Variants in TAF4 observed in about 807,000 individuals in gnomAD.
TAF4 encodes transcription initiation factor TFIID subunit 4.
In TAF4, 9 loss-of-function variants were observed where a neutral mutation model predicts 90.3. That is an observed-to-expected ratio of 0.10 (90% confidence interval 0.06 to 0.17). The LOEUF (loss-of-function observed/expected upper bound fraction) is 0.17, where lower values mean the gene tolerates loss of function less well. Ranked by LOEUF, TAF4 falls within the 10% of genes least tolerant of loss-of-function variation. The pLI is 1.00. For missense variants in TAF4, 1,351 were observed against 1,370.7 expected (o/e 0.99, Z 0.23); for synonymous variants, 818 against 638.9 (o/e 1.28, Z -4.23).
At position 62,010,299 on chromosome 20, in the gene TAF4, G is replaced by A. The variant is rs946593871; in HGVS notation, c.1642-134C>T. On this transcript the variant is annotated intron_variant, in intron 3 of 14. Coordinates refer to ENST00000252996, the MANE Select transcript of TAF4 (RefSeq NM_003185.4). This position sits in a 1 kb window ranked among gnomAD's most constrained non-coding sequence, Gnocchi z 4.5. ...GGACGCCCAGGAAGCCAAGGACCCC[G>A]GCCACCTGCCAGCCCGCTGGACACG... 19 of 1,342,820 alleles carry A rather than the reference G, an allele frequency of 1.4e-5. No homozygotes were observed. The highest frequency in any genetic ancestry group is 4.8e-5 in the East Asian group (2 of 41,268). 83.2% of individuals were successfully genotyped at this position (1,342,820 alleles called of 1,614,324 possible).
rs372153568 is a variant in TAF4 at position 62,010,165 on chromosome 20, G to T, written c.1642C>A (p.Pro548Thr). 1.2e-6 allele frequency: 2 copies of T among 1,613,750 alleles called. No homozygotes were observed. Residue 548 changes from proline to threonine, a missense_variant and splice_region_variant, in exon 4 of 15, where the codon CCT (proline) becomes ACT (threonine). Physicochemically the swap from Pro to Thr is conservative, Grantham distance 38. This residue lies in a region of TAF4 where 143 missense variants were observed against 176.3 expected (regional missense o/e 0.81). Coordinates refer to ENST00000252996, the MANE Select transcript of TAF4 (RefSeq NM_003185.4). The surrounding 1 kb of genome is among the most constrained non-coding windows in gnomAD (Gnocchi z 4.5). ...ATLQRSPGVQPQLVLGGAAQT... is the reference protein window; with the variant it reads ...ATLQRSPGVQTQLVLGGAAQT... ...GCAGCGCCACCCAGAACGAGCTGAG[G>T]CTACAAGAATCCAAAAACACAAGGT...
Position 62,010,211 on chromosome 20 carries a change from G to C in TAF4, c.1642-46C>G. On this transcript the variant is annotated intron_variant, in intron 3 of 14. Coordinates refer to ENST00000252996, the MANE Select transcript of TAF4 (RefSeq NM_003185.4). This position sits in a 1 kb window ranked among gnomAD's most constrained non-coding sequence, Gnocchi z 4.5. ...AAGGTAAGGGCATCTCACGCCACCA[G>C]CTGACGAGGGGGAGACCAGCCTCAC... 1 of 1,612,204 alleles carries C rather than the reference G, an allele frequency of 6.2e-7. No homozygotes were observed. Among genetic ancestry groups the C allele is most frequent in the Non-Finnish European group, 8.5e-7 (1 of 1,179,674 alleles).
At chr20:62,036,121 T>G (rs542068139) in intron 1 of TAF4, among the ~76,000 whole-genome samples, 2 of 152,090 alleles carry the variant, frequency 1.3e-5, no homozygotes, top group East Asian at 3.9e-4. Context: ...GCTCACGGGT[T>G]CAAGCGATTC....
At chr20:62,036,732 C>T (rs200290311) in intron 1 of TAF4, among the ~76,000 whole-genome samples, 1 of 152,164 alleles carries the variant, frequency 6.6e-6, no homozygotes, top group African/African-American at 2.4e-5. Flanking sequence ...AGCATTTTAA[C>T]AAAAATAAAC....
intron 1 of TAF4, among the ~76,000 whole-genome samples, chr20:62,032,678 A>G (rs956704785): frequency 6.6e-6 from 1 of 152,258 alleles, no homozygotes; most frequent in Admixed American, 6.5e-5. Context: ...GGCAGATGAC[A>G]TGGACCTTAA....
At chr20:62,035,594 A>T (rs1376516333) in intron 1 of TAF4, among the ~76,000 whole-genome samples, 1 of 145,582 alleles carries the variant, frequency 6.9e-6, no homozygotes, top group Admixed American at 6.9e-5. Flanking sequence ...CAAAAGCAAA[A>T]GCTATCATTT....
intron 1 of TAF4, among the ~76,000 whole-genome samples, chr20:62,057,844 G>A (rs56370815): frequency 5.1e-5 from 1 of 19,754 alleles, no homozygotes; most frequent in Non-Finnish European, 1.5e-4. Context: ...CCTCAGGAAG[G>A]ACGGACACAG....
intron 1 of TAF4, among the ~76,000 whole-genome samples, chr20:62,036,437 T>C (rs2055933207): frequency 6.6e-6 from 1 of 152,194 alleles, no homozygotes. Context: ...GGATATAAAA[T>C]AACAGAAACT....
At chr20:62,022,794 A>G (rs1237282806) in intron 1 of TAF4, among the ~76,000 whole-genome samples, 1 of 151,984 alleles carries the variant, frequency 6.6e-6, no homozygotes, top group Non-Finnish European at 1.5e-5. Context: ...AGGCGCTACC[A>G]CCACTGTAAC....
chr20:62,006,108 C>A lies in TAF4; in HGVS notation c.2223+402G>T. 1 of 164,060 alleles carries A rather than the reference C, an allele frequency of 6.1e-6. No homozygotes were observed. The highest frequency in any genetic ancestry group is 1.3e-5 in the Non-Finnish European group (1 of 76,374). The allele number at this position is 164,060 out of a possible 1,614,324, so 10.2% of individuals were successfully genotyped here. A position where few individuals can be genotyped will look rare whatever the true frequency, so the allele number is the denominator to read the frequency against. ...TAAATCCACCCTGTGCTGTGAGCTGCTACCCTGCCTCCAGTCTCCTGCCCA... is the reference window on the plus strand; with the variant it reads ...TAAATCCACCCTGTGCTGTGAGCTGATACCCTGCCTCCAGTCTCCTGCCCA... On this transcript the variant is annotated intron_variant, in intron 7 of 14. Coordinates refer to ENST00000252996, the MANE Select transcript of TAF4 (RefSeq NM_003185.4). This position sits in a 1 kb window ranked among gnomAD's most constrained non-coding sequence, Gnocchi z 7.0.
intron 1 of TAF4, among the ~76,000 whole-genome samples, chr20:62,027,919 C>T (rs6061962): frequency 0.17 from 25,669 of 152,216 alleles, 2,545 homozygotes; most frequent in East Asian, 0.47. Flanking sequence ...GCTGGGTGGG[C>T]TGCTCTCCCC....
chr20:61,998,861 T>C (rs1263994830), intron 12 of TAF4, 122 bp downstream of exon 12: 1 of 1,323,148 alleles, frequency 7.6e-7, no homozygotes, highest in Non-Finnish European at 1.0e-6. Context: ...CCCATCACCT[T>C]TGCTTCAAGG....
At chr20:61,986,137 AAAGGAAACACCATCCCCC>A (rs2055591010) in intron 14 of TAF4, among the ~76,000 whole-genome samples, 1 of 125,100 alleles carries the variant, frequency 8.0e-6, no homozygotes, top group African/African-American at 3.1e-5. Flanking sequence ...ATCCCCAATC[AAAGGAAACACCATCCCCC>A]ATCAAAGGAA....
chr20:62,011,571 C>T (rs2055777785), intron 3 of TAF4, among the ~76,000 whole-genome samples: 1 of 152,224 alleles, frequency 6.6e-6, no homozygotes, highest in Non-Finnish European at 1.5e-5. Flanking sequence ...GCACACATCT[C>T]CCTGGTACTG....
chr20:62,001,037 C>A (rs1366730244), intron 9 of TAF4, among the ~76,000 whole-genome samples: 1 of 152,204 alleles, frequency 6.6e-6, no homozygotes, highest in African/African-American at 2.4e-5. Flanking sequence ...GGGGTCTGAT[C>A]TATGCAAAGC....
intron 14 of TAF4, among the ~76,000 whole-genome samples, chr20:61,992,698 C>T (rs866369816): frequency 7.2e-5 from 11 of 152,164 alleles, no homozygotes; most frequent in African/African-American, 1.9e-4. Flanking sequence ...GGTCTTCAAA[C>T]GCCATTTCCC....
chr20:62,001,522 C>A lies in TAF4; in HGVS notation c.2487-801G>T, dbSNP rs373531915. ...CCACATGCACGCAGCCTCCACTTGC[C>A]GCCTCCAGCAGTGGGCTTTGAACGT... is the stretch of plus-strand genomic sequence containing the variant. On this transcript the variant is annotated intron_variant, in intron 9 of 14. Coordinates refer to ENST00000252996, the MANE Select transcript of TAF4 (RefSeq NM_003185.4). 1.2e-4 allele frequency among the ~76,000 whole-genome samples: 19 copies of A among 152,318 alleles called. No individual in the cohort carries two copies. In the East Asian group the frequency reaches 3.7e-3, roughly 29 times the overall value.
chr20:62,030,538 T>C (rs571018602), intron 1 of TAF4, among the ~76,000 whole-genome samples: 146 of 152,352 alleles, frequency 9.6e-4, no homozygotes, highest in African/African-American at 2.7e-3. Context: ...CGGCCTGTCG[T>C]GCCTCGAAGC....
intron 14 of TAF4, chr20:61,979,024 TGTC>T (rs1421339746): frequency 1.3e-5 from 2 of 153,352 alleles, no homozygotes; most frequent in African/African-American, 4.8e-5. Flanking sequence ...CCAGACTCCC[TGTC>T]TTTCCCATAG....
Sources: gnomAD v4.1 joint callset for allele counts (sites outside exome capture counted in the v4.1 genomes callset) on GRCh38, gnomAD v4.1.1 for gene constraint, gnomAD v4.1.1 regional missense constraint, Gnocchi (gnomAD v3.1) non-coding constraint, MANE v1.5 for transcripts, NCBI Gene and HGNC (gene_info 2026-07-23, HGNC 2026-07-21) for gene names.